Variants in LRIG3 observed in about 807,000 individuals in gnomAD.
LRIG3 encodes leucine rich repeats and immunoglobulin like domains 3, also known as leucine-rich repeats and immunoglobulin-like domains protein 3.
A neutral mutation model predicts 114.5 loss-of-function variants in LRIG3; 76 were observed. The observed-to-expected ratio is 0.66, with a 90% CI of 0.55 to 0.80. LRIG3 has a LOEUF of 0.80. Ranked by LOEUF, LRIG3 falls within the 30% of genes least tolerant of loss-of-function variation. The pLI, the probability that LRIG3 is intolerant of heterozygous loss-of-function variation, is 0.00. For missense variants in LRIG3, 1,239 were observed against 1,382.8 expected (o/e 0.90, Z 1.65); for synonymous variants, 512 against 519.8 (o/e 0.98, Z 0.20).
intron 10 of LRIG3, among the ~76,000 whole-genome samples, chr12:58,884,408 AAAG>A (rs1871209450): frequency 6.6e-6 from 1 of 152,308 alleles, no homozygotes; most frequent in Non-Finnish European, 1.5e-5. Flanking sequence ...GAAGACAAAG[AAAG>A]AAGGGACCAG....
chr12:58,893,537 C>A (rs1319552112), intron 3 of LRIG3, among the ~76,000 whole-genome samples: 1 of 152,162 alleles, frequency 6.6e-6, no homozygotes, highest in Non-Finnish European at 1.5e-5. Flanking sequence ...TTTCCCACAT[C>A]TGGATTTGCC....
At chr12:58,885,605 TCTTAAATACAAAGGAAAGCATACAC>T (rs1374131343) in intron 10 of LRIG3, among the ~76,000 whole-genome samples, 1 of 152,134 alleles carries the variant, frequency 6.6e-6, no homozygotes, top group Non-Finnish European at 1.5e-5. Context: ...TAGCTTTTGT[TCTTAAATACAAAGGAAAGCATACAC>T]CTGTATACTT....
chr12:58,891,295 C>CG (rs1018955267), intron 3 of LRIG3, among the ~76,000 whole-genome samples: 10 of 151,624 alleles, frequency 6.6e-5, no homozygotes, highest in African/African-American at 9.7e-5. Context: ...TTTATACAGT[C>CG]GGGGGGTCTC....
chr12:58,901,346 C>A (rs1296067620), intron 3 of LRIG3, among the ~76,000 whole-genome samples: 1 of 152,132 alleles, frequency 6.6e-6, no homozygotes, highest in East Asian at 1.9e-4. Flanking sequence ...TAAGTCAGAC[C>A]ACATCTCAGT....
In LRIG3 at chr12:58,919,314, T is replaced by C. The variant is rs967855059; in HGVS notation, c.236+686A>G. 2.1e-6 allele frequency: 3 copies of C among 1,451,198 alleles called. No individual in the cohort carries two copies. The African/African-American group carries it at 4.2e-5, about 21-fold the overall frequency. The allele number at this position is 1,451,198 out of a possible 1,614,324, so 89.9% of individuals were successfully genotyped here. On this transcript the variant is annotated intron_variant, in intron 1 of 18. Coordinates refer to ENST00000320743, the MANE Select transcript of LRIG3 (RefSeq NM_153377.5). Reference sequence around the variant, plus strand: ...TCCCTGCGCTCTCCCCTAAACCGTCTGGGCGTTCTGAGGAGCTACAGAAAT... The same window carrying C: ...TCCCTGCGCTCTCCCCTAAACCGTCCGGGCGTTCTGAGGAGCTACAGAAAT...
rs542211266 is a variant in LRIG3, at chr12:58,905,605, C to A, written c.383+8377G>T. On this transcript the variant is annotated intron_variant, in intron 3 of 18. Coordinates refer to ENST00000320743, the MANE Select transcript of LRIG3 (RefSeq NM_153377.5). ...TGTTCAATGTGGTCGTACCGATAGG[C>A]CCTTTAAGAGGTGATTGCGTCATGA... Among the ~76,000 whole-genome samples the A allele has an allele frequency of 5.3e-5, 8 of 152,232 alleles. 1 individual carries two copies. The highest frequency in any genetic ancestry group is 1.9e-4 in the African/African-American group (8 of 41,546).
chr12:58,919,952 G>T, intron 1 of LRIG3, 48 bp downstream of exon 1: 1 of 1,517,638 alleles, frequency 6.6e-7, no homozygotes, highest in Non-Finnish European at 8.9e-7. Context: ...CTGTTTTCTC[G>T]AATCTCCAGC....
intron 6 of LRIG3, 151 bp from the exon 7 acceptor site, chr12:58,888,623 T>C (rs1470224142): frequency 3.6e-5 from 44 of 1,235,654 alleles, no homozygotes; most frequent in Non-Finnish European, 4.5e-5. Flanking sequence ...AAATACTATA[T>C]AGTTTATACT....
intron 1 of LRIG3, among the ~76,000 whole-genome samples, chr12:58,916,330 G>C (rs1329653751): frequency 6.6e-6 from 1 of 151,968 alleles, no homozygotes; most frequent in Non-Finnish European, 1.5e-5. Context: ...CCATTCTTGA[G>C]TTTTGTGTAC....
intron 1 of LRIG3, among the ~76,000 whole-genome samples, chr12:58,916,538 A>G (rs942040069): frequency 1.3e-5 from 2 of 152,204 alleles, no homozygotes; most frequent in African/African-American, 4.8e-5. Context: ...TGGCTAGACC[A>G]TTAAAAACAG....
rs138576905 is a variant in LRIG3, at chr12:58,909,182, C to T, written c.383+4800G>A. ...TGCTGCTTCTCTCCAGGACTTAATC[C>T]CCTTCTGATCACATCTCTTATTTAT... On this transcript the variant is annotated intron_variant, in intron 3 of 18. Coordinates refer to ENST00000320743, the MANE Select transcript of LRIG3 (RefSeq NM_153377.5). 1.5e-3 allele frequency among the ~76,000 whole-genome samples: 227 copies of T among 152,280 alleles called. 4 individuals carry two copies. The highest frequency in any genetic ancestry group is 5.2e-3 in the African/African-American group (217 of 41,560).
Position 58,883,522 on chromosome 12 carries a change from T to G in LRIG3, c.1314A>C (p.Gln438His). The G allele has an allele frequency of 1.2e-5, 19 of 1,537,098 alleles. No homozygotes were observed. Among genetic ancestry groups the G allele is most frequent in the Non-Finnish European group, 1.6e-5 (18 of 1,126,918 alleles). ...CTAGAAGGAAAAGAAAAGCTTACAA[T>G]TGTTGCAGTTTCTTCATTTGTGAAA... The part of the protein sequence containing the change: ...NAFSQMKKLQ[Q>H]LHLNTSSLLC... The change falls in exon 11 of 19, where the codon CAA (glutamine) becomes CAC (histidine). Residue 438 changes from glutamine (Q) to histidine (H), a missense_variant and splice_region_variant. Transcript: ENST00000320743.
chr12:58,880,434 AT>A, intron 13 of LRIG3, 146 bp downstream of exon 13: 1 of 834,000 alleles, frequency 1.2e-6, no homozygotes. Context: ...AAGAATCTTA[AT>A]TTTGTGGAAT....
intron 3 of LRIG3, among the ~76,000 whole-genome samples, chr12:58,898,032 A>T (rs758627232): frequency 1.7e-4 from 26 of 152,218 alleles, no homozygotes; most frequent in Non-Finnish European, 2.8e-4. Context: ...GACACTCAAG[A>T]GCAGCTGTAG....
At chr12:58,899,696 A>G (rs1565620526) in intron 3 of LRIG3, among the ~76,000 whole-genome samples, 1 of 152,258 alleles carries the variant, frequency 6.6e-6, no homozygotes, top group East Asian at 1.9e-4. Context: ...TCATTGTTAG[A>G]AACGTCTTCA....
At chr12:58,897,534 CAGG>C (rs1266558577) in intron 3 of LRIG3, among the ~76,000 whole-genome samples, 12 of 152,216 alleles carry the variant, frequency 7.9e-5, no homozygotes, top group Non-Finnish European at 1.6e-4. Context: ...TACTTAAGGC[CAGG>C]AGTTCAAATC....
In LRIG3 at chr12:58,914,266, C is replaced by T. The variant is rs373824765; in HGVS notation, c.307G>A (p.Val103Met). ...AAAAACAAAATAACGAAGACTCACA[C>T]TTCTCGAAGGCTTTGAAGGTGGCTC... is the stretch of plus-strand genomic sequence containing the variant. The part of the protein sequence containing the change: ...SMSHLQSLRE[V>M]KLNNNELETI... Residue 103 changes from valine to methionine, a missense_variant and splice_region_variant, in exon 2 of 19, where the codon GTG (valine) becomes ATG (methionine). Val to Met is a conservative substitution (Grantham distance 21, BLOSUM62 1). Coordinates refer to ENST00000320743, the MANE Select transcript of LRIG3 (RefSeq NM_153377.5). 18 of 1,613,718 alleles carry T rather than the reference C, an allele frequency of 1.1e-5. No homozygotes were observed. The highest frequency in any genetic ancestry group is 1.5e-5 in the Non-Finnish European group (18 of 1,179,812).
In LRIG3 at chr12:58,877,085, C is replaced by A. The variant is rs74099544; in HGVS notation, c.2536+315G>T. On this transcript the variant is annotated intron_variant, in intron 15 of 18. Transcript: ENST00000320743. ...ACATACAACTACTGCAGAGAGTAAACCTTATCATTAAAGGGCTGTTCCTGG... is the reference window on the plus strand; with the variant it reads ...ACATACAACTACTGCAGAGAGTAAAACTTATCATTAAAGGGCTGTTCCTGG... 6.1e-3 allele frequency among the ~76,000 whole-genome samples: 935 copies of A among 152,230 alleles called. 6 individuals are homozygous for A. The highest frequency in any genetic ancestry group is 0.02 in the African/African-American group (842 of 41,536).
At chr12:58,897,588 C>G (rs1454613501) in intron 3 of LRIG3, among the ~76,000 whole-genome samples, 1 of 152,044 alleles carries the variant, frequency 6.6e-6, no homozygotes, top group Non-Finnish European at 1.5e-5. Flanking sequence ...CTTAACACAA[C>G]AACAACAAAA....
Sources: gnomAD v4.1 joint callset for allele counts (sites outside exome capture counted in the v4.1 genomes callset) on GRCh38, gnomAD v4.1.1 for gene constraint, MANE v1.5 for transcripts, NCBI Gene and HGNC (gene_info 2026-07-23, HGNC 2026-07-21) for gene names.